ARHGAP4: variants seen among roughly 807,000 people sequenced by gnomAD.
ARHGAP4 encodes Rho GTPase activating protein 4.
A neutral mutation model predicts 67.6 loss-of-function variants in ARHGAP4; 25 were observed. The observed-to-expected ratio is 0.37, with a 90% CI of 0.27 to 0.52. ARHGAP4 has a LOEUF of 0.52. Ranked by LOEUF, ARHGAP4 falls within the 20% of genes least tolerant of loss-of-function variation. The pLI is 0.92. For missense variants in ARHGAP4, 804 were observed against 854.6 expected, an observed-to-expected ratio of 0.94 and a Z score of 0.74; for synonymous variants, 448 against 373.7, an observed-to-expected ratio of 1.20 and a Z score of -2.29.
rs782680206 is a variant in ARHGAP4, at chrX:153,920,763, C to T, written c.544G>A (p.Glu182Lys). The stretch of plus-strand genomic sequence containing the variant: ...CGCTCGGCCTCCCGGAGCTTGGCCT[C>T]GGCATTCACGCTCTCCATGTGATAT... ...QAYHMESVNA[E>K]AKLREAERQE... The change falls in exon 5 of 22, where the codon GAG becomes AAG. Residue 182 changes from glutamate to lysine, a missense_variant. This residue lies in a region of ARHGAP4 where 404 missense variants were observed against 505.9 expected (regional missense o/e 0.80). Transcript: ENST00000350060. 3.6e-5 allele frequency: 44 copies of T among 1,211,045 alleles called. No individual in the cohort carries two copies. In the South Asian group the frequency reaches 4.9e-4, roughly 14 times the overall value.
intron 11 of ARHGAP4, 39 bp downstream of exon 11, chrX:153,912,985 C>T (rs782598065): frequency 1.1e-5 from 12 of 1,128,695 alleles, no homozygotes; most frequent in South Asian, 3.8e-5. Context: ...GAAGAGATGG[C>T]GGACCGTCGC....
Position 153,926,226 on chromosome X carries a change from G to A in ARHGAP4, c.-24C>T, listed in dbSNP as rs782476840. The A allele has an allele frequency of 8.6e-6, 10 of 1,167,524 alleles. No individual in the cohort carries two copies. The South Asian group carries it at 9.3e-5, about 11-fold the overall frequency. On this transcript the variant is annotated 5_prime_UTR_variant, in exon 1 of 22. Coordinates refer to ENST00000350060, the MANE Select transcript of ARHGAP4 (RefSeq NM_001666.5). ...ATGGCGGCCTCGCGGCCGCGCCGTC[G>A]AACCCCACTGCTCCCACGCGGCCGT...
intron 3 of ARHGAP4, 47 bp from the exon 4 acceptor site, chrX:153,921,206 C>T (rs1557105228): frequency 9.3e-6 from 11 of 1,181,371 alleles, no homozygotes; most frequent in Admixed American, 6.9e-5. Context: ...AGAGCGGCCC[C>T]GCCAGGCACT....
intron 6 of ARHGAP4, 43 bp downstream of exon 6, chrX:153,919,112 G>T (rs1557104703): frequency 8.3e-7 from 1 of 1,210,618 alleles, no homozygotes; most frequent in South Asian, 1.8e-5. Context: ...TCCCAGCCCC[G>T]AGGCACCAGG....
chrX:153,924,804 T>C (rs1216799432), intron 1 of ARHGAP4, among the ~76,000 whole-genome samples: 1 of 111,990 alleles, frequency 8.9e-6, no homozygotes, highest in Admixed American at 9.4e-5. Flanking sequence ...CCACCAGCAC[T>C]TCCTGTGAGC....
At chrX:153,914,521 C>T (rs1370793494) in intron 7 of ARHGAP4, among the ~76,000 whole-genome samples, 1 of 111,499 alleles carries the variant, frequency 9.0e-6, no homozygotes, top group Non-Finnish European at 1.9e-5. Flanking sequence ...CACGGTGAAA[C>T]CCTGTCTCCG....
Position 153,910,096 on chromosome X carries a change from GGGCAGAGCGA to G in ARHGAP4, c.2157-21_2157-12del, listed in dbSNP as rs2065007092. On this transcript the variant is annotated splice_polypyrimidine_tract_variant and intron_variant, in intron 17 of 21. Coordinates refer to ENST00000350060, the MANE Select transcript of ARHGAP4 (RefSeq NM_001666.5). ...TCCAGCTGGGCGTCCCTGAGGTTCAGGGCAGAGCGAGGCAGATGAGGGGGGCTCTTCTCCA... is the reference window on the plus strand; with the variant it reads ...TCCAGCTGGGCGTCCCTGAGGTTCAGGGCAGATGAGGGGGGCTCTTCTCCA... 25 of 1,211,245 alleles carry G rather than the reference GGGCAGAGCGA, an allele frequency of 2.1e-5. No individual in the cohort carries two copies. The highest frequency in any genetic ancestry group is 2.8e-5 in the Non-Finnish European group (25 of 895,368).
In ARHGAP4 at chrX:153,909,130, A is replaced by G. The variant is rs781918744; in HGVS notation, c.2547T>C (p.Ser849=). Residue 849 remains serine (S), a synonymous_variant, in exon 21 of 22, where the codon TCT becomes TCC. Coordinates refer to ENST00000350060, the MANE Select transcript of ARHGAP4 (RefSeq NM_001666.5). ...PCTSPEAMGP[S]GHRRRCLVPA... ...GGACCAAGCAGCGTCGTCTGTGTCC[A>G]GAGGGTCCCATGGCCTCAGGTGAGG... is the stretch of plus-strand genomic sequence containing the variant. The G allele has an allele frequency of 8.3e-7, 1 of 1,211,260 alleles. No homozygotes were observed. Among genetic ancestry groups the G allele is most frequent in the Non-Finnish European group, 1.1e-6 (1 of 895,357 alleles).
intron 7 of ARHGAP4, among the ~76,000 whole-genome samples, chrX:153,915,510 G>C (rs888082305): frequency 6.3e-5 from 7 of 111,469 alleles, no homozygotes; most frequent in Non-Finnish European, 1.9e-5. Context: ...TTTGAGACCA[G>C]CCTTGGCAAT....
rs782476046 is a variant in ARHGAP4 at position 153,919,548 on chromosome X, C to T, written c.682-265G>A. The stretch of plus-strand genomic sequence containing the variant: ...TTCCCCACAGAAGTGGGGGATGACA[C>T]AGAACTATTCACAGATACCTGATGA... On this transcript the variant is annotated intron_variant, in intron 5 of 21. Transcript: ENST00000350060. The T allele has an allele frequency of 2.6e-6, 3 of 1,147,478 alleles. No individual in the cohort carries two copies. In the South Asian group the frequency reaches 6.0e-5, roughly 23 times the overall value. 94.6% of individuals were successfully genotyped at this position (1,147,478 alleles called of 1,213,427 possible).
chrX:153,908,535 C>T lies in ARHGAP4; in HGVS notation c.2607+535G>A, dbSNP rs782292000. ...ACGGAGCAGGGTCCCCCAGGTTGTG[C>T]GCTTGCCAGGGCCACATCTTGAGCC... On this transcript the variant is annotated intron_variant, in intron 21 of 21. Coordinates refer to ENST00000350060, the MANE Select transcript of ARHGAP4 (RefSeq NM_001666.5). Among the ~76,000 whole-genome samples, 444 of 110,921 alleles carry T rather than the reference C, an allele frequency of 4.0e-3. 1 individual carries two copies. Among genetic ancestry groups the T allele is most frequent in the Non-Finnish European group, 5.7e-3 (295 of 52,047 alleles).
At chrX:153,921,834 C>A (rs782338784) in intron 1 of ARHGAP4, 25 bp from the exon 2 acceptor site, 3 of 1,166,108 alleles carry the variant, frequency 2.6e-6, no homozygotes, top group Non-Finnish European at 3.4e-6. Flanking sequence ...ATGGCTCAGG[C>A]CTGGTCAGCA....
Position 153,907,694 on chromosome X carries a change from A to G in ARHGAP4, c.*35T>C, listed in dbSNP as rs1718483983. On this transcript the variant is annotated 3_prime_UTR_variant, in exon 22 of 22. Coordinates refer to ENST00000350060, the MANE Select transcript of ARHGAP4 (RefSeq NM_001666.5). ...GGGGAGAGTGGCCGGTCCAGCGGGT[A>G]GCCGCCGGGGGCACGCATCTCCAGC... is the stretch of plus-strand genomic sequence containing the variant. 2 of 798,339 alleles carry G rather than the reference A, an allele frequency of 2.5e-6. No homozygotes were observed. Among genetic ancestry groups the G allele is most frequent in the Non-Finnish European group, 3.3e-6 (2 of 598,339 alleles). The allele number at this position is 798,339 out of a possible 1,213,427, so 65.8% of individuals were successfully genotyped here. A position where few individuals can be genotyped will look rare whatever the true frequency, so the allele number is the denominator to read the frequency against.
intron 21 of ARHGAP4, among the ~76,000 whole-genome samples, 185 bp from the exon 22 acceptor site, chrX:153,908,147 TCA>T (rs1181942718): frequency 8.9e-6 from 1 of 112,000 alleles, no homozygotes; most frequent in Non-Finnish European, 1.9e-5. Context: ...GGTGTCTCTG[TCA>T]CAGTCTCCTC....
In ARHGAP4 at chrX:153,910,322, C is replaced by T. The variant is rs782076486; in HGVS notation, c.2005G>A (p.Ala669Thr). Residue 669 changes from alanine to threonine, a missense_variant, in exon 17 of 22, where the codon GCT becomes ACT. Around this residue, in one of 2 missense-constraint regions of ARHGAP4, gnomAD observed 400 missense variants for 348.7 expected, o/e 1.15. Transcript: ENST00000350060. ...TGCAGCGCCACCGGGTCCTGCCCAG[C>T]GGGCACCGGTAGCAGCGTGGGCCCG... ...CFGPTLLPVPAGQDPVALQGR... is the reference protein window; with the variant it reads ...CFGPTLLPVPTGQDPVALQGR... The T allele has an allele frequency of 2.2e-5, 26 of 1,207,811 alleles. No homozygotes were observed. The highest frequency in any genetic ancestry group is 2.3e-4 in the Middle Eastern group (1 of 4,343).
At chrX:153,919,527 C>T (rs944521479) in intron 5 of ARHGAP4, 2 of 1,140,036 alleles carry the variant, frequency 1.8e-6, no homozygotes, top group Non-Finnish European at 2.3e-6. Context: ...ACAACATTCC[C>T]CACAGAAGTG....
chrX:153,908,282 A>C (rs2064986937), intron 21 of ARHGAP4, among the ~76,000 whole-genome samples: 1 of 110,166 alleles, frequency 9.1e-6, no homozygotes, highest in African/African-American at 3.3e-5. Flanking sequence ...GCGTGCGGGG[A>C]CTCCCCAGTC....
intron 6 of ARHGAP4, 26 bp from the exon 7 acceptor site, chrX:153,919,079 G>C: frequency 2.5e-6 from 3 of 1,209,251 alleles, no homozygotes; most frequent in Non-Finnish European, 3.4e-6. Flanking sequence ...GGAGATGCTT[G>C]GGTAGGTCCT....
intron 4 of ARHGAP4, 131 bp from the exon 5 acceptor site, chrX:153,920,939 G>A (rs781953782): frequency 7.2e-6 from 7 of 969,906 alleles, no homozygotes; most frequent in Non-Finnish European, 9.8e-6. Context: ...TTAGCCTAAC[G>A]CCCTGTGCCT....
Sources: gnomAD v4.1 joint callset for allele counts (sites outside exome capture counted in the v4.1 genomes callset) on GRCh38, gnomAD v4.1.1 for gene constraint, gnomAD v4.1.1 regional missense constraint, MANE v1.5 for transcripts, NCBI Gene and HGNC (gene_info 2026-07-23, HGNC 2026-07-21) for gene names.